The following GRIN3A variants were observed in gnomAD, a reference collection of about 807,000 sequenced individuals.
GRIN3A encodes the protein glutamate ionotropic receptor NMDA type subunit 3A, also known as glutamate receptor ionotropic, NMDA 3A.
A neutral mutation model predicts 92.4 loss-of-function variants in GRIN3A; 47 were observed. The observed-to-expected ratio is 0.51, with a 90% CI of 0.40 to 0.65. The LOEUF is 0.65. GRIN3A is among the 30% of genes least tolerant of loss of function. The probability of loss-of-function intolerance (pLI) is 0.00; values close to 1 mark genes in which losing one functional copy is unlikely to be tolerated. For synonymous variants in GRIN3A, 527 were observed against 540.6 expected (o/e 0.97, Z 0.35); for missense variants, 1,324 against 1,393.1 (o/e 0.95, Z 0.79).
intron 4 of GRIN3A, 66 bp from the exon 5 acceptor site, chr9:101,623,499 A>G (rs920796782): frequency 1.7e-6 from 2 of 1,163,992 alleles, no homozygotes; most frequent in South Asian, 1.2e-5. Flanking sequence ...ATGAAGGCTG[A>G]CAGCCGGCTT....
At chr9:101,704,820 A>G (rs1268727444) in intron 1 of GRIN3A, among the ~76,000 whole-genome samples, 1 of 152,168 alleles carries the variant, frequency 6.6e-6, no homozygotes, top group Non-Finnish European at 1.5e-5. Context: ...TTTTAATTTA[A>G]TTTAAGATGT....
intron 3 of GRIN3A, among the ~76,000 whole-genome samples, chr9:101,650,690 A>G (rs553044174): frequency 2.0e-5 from 3 of 152,170 alleles, no homozygotes; most frequent in Admixed American, 6.5e-5. Flanking sequence ...TACAGTGGTA[A>G]CAACTATACG....
At chr9:101,619,642 G>A (rs1025585061) in intron 5 of GRIN3A, among the ~76,000 whole-genome samples, 1 of 152,084 alleles carries the variant, frequency 6.6e-6, no homozygotes, top group Non-Finnish European at 1.5e-5. Context: ...CCTAACCCAA[G>A]TACTCAGACT....
At chr9:101,723,474 C>A (rs1181138140) in intron 1 of GRIN3A, among the ~76,000 whole-genome samples, 1 of 152,140 alleles carries the variant, frequency 6.6e-6, no homozygotes, top group Admixed American at 6.5e-5. Context: ...TGAGCAGTAG[C>A]AAGATTTATT....
intron 3 of GRIN3A, among the ~76,000 whole-genome samples, chr9:101,668,296 C>G (rs1186848992): frequency 6.6e-6 from 1 of 151,924 alleles, no homozygotes. Context: ...AAATAAAGCT[C>G]TAGTTAGTAT....
At chr9:101,609,345 T>C (rs965707703) in intron 6 of GRIN3A, among the ~76,000 whole-genome samples, 16 of 152,234 alleles carry the variant, frequency 1.1e-4, no homozygotes, top group African/African-American at 3.4e-4. Flanking sequence ...TTAGTACTTC[T>C]ATTATTTACT....
chr9:101,628,290 C>T lies in GRIN3A; in HGVS notation c.2464G>A (p.Val822Ile). 6.2e-7 allele frequency: 1 copy of T among 1,613,996 alleles called. No individual in the cohort carries two copies. Among genetic ancestry groups the T allele is most frequent in the African/African-American group, 1.3e-5 (1 of 75,040 alleles). The change falls in exon 4 of 9, where the codon GTT becomes ATT. Residue 822 changes from valine (V) to isoleucine (I), a missense_variant. By Grantham distance (29) the Val-to-Ile change is conservative (BLOSUM62 3). Coordinates refer to ENST00000361820, the MANE Select transcript of GRIN3A (RefSeq NM_133445.3). ...TCCACTCCATCAGGGGTGGCTGGAA[C>T]ATTGTACCTTCTCATATATTCATGC... ...EMHEYMRRYNVPATPDGVEYL... is the reference protein window; with the variant it reads ...EMHEYMRRYNIPATPDGVEYL...
At chr9:101,656,509 G>A (rs1829090214) in intron 3 of GRIN3A, among the ~76,000 whole-genome samples, 1 of 151,892 alleles carries the variant, frequency 6.6e-6, no homozygotes, top group African/African-American at 2.4e-5. Context: ...AGCAGCAGTA[G>A]TGATCTGATG....
intron 1 of GRIN3A, among the ~76,000 whole-genome samples, chr9:101,719,847 A>G (rs111865341): frequency 4.6e-5 from 7 of 152,324 alleles, no homozygotes; most frequent in African/African-American, 1.7e-4. Flanking sequence ...TATGAATATA[A>G]ACTAGCAATC....
intron 4 of GRIN3A, among the ~76,000 whole-genome samples, chr9:101,628,050 T>C (rs1375654012): frequency 1.3e-5 from 2 of 152,204 alleles, no homozygotes; most frequent in Admixed American, 1.3e-4. Context: ...CTTGAGACTA[T>C]GCAGGTCACA....
intron 2 of GRIN3A, 53 bp downstream of exon 2, chr9:101,686,543 A>G: frequency 6.3e-7 from 1 of 1,596,558 alleles, no homozygotes; most frequent in Non-Finnish European, 8.6e-7. Flanking sequence ...GGGGAATTTT[A>G]CTCTCTGTCA....
chr9:101,628,202 A>C, intron 4 of GRIN3A, 54 bp downstream of exon 4: 1 of 1,586,476 alleles, frequency 6.3e-7, no homozygotes, highest in African/African-American at 1.3e-5. Context: ...TCAGTAGCTA[A>C]ATTACTTCTC....
chr9:101,605,089 A>G (rs1370629924), intron 6 of GRIN3A, among the ~76,000 whole-genome samples: 1 of 152,258 alleles, frequency 6.6e-6, no homozygotes, highest in Non-Finnish European at 1.5e-5. Flanking sequence ...CCCGGGACCC[A>G]TATCTTCAAT....
At chr9:101,578,814 T>A (rs1488235291) in intron 7 of GRIN3A, among the ~76,000 whole-genome samples, 1 of 152,024 alleles carries the variant, frequency 6.6e-6, no homozygotes, top group Non-Finnish European at 1.5e-5. Flanking sequence ...GCAAGTGGGG[T>A]CACTTAAAGG....
At chr9:101,578,036 G>T (rs1274092041) in intron 7 of GRIN3A, among the ~76,000 whole-genome samples, 192 bp from the exon 8 acceptor site, 6 of 152,112 alleles carry the variant, frequency 3.9e-5, no homozygotes, top group Admixed American at 6.5e-5. Flanking sequence ...CTAATTAGAG[G>T]TTATTATTCC....
chr9:101,610,574 CATCT>C (rs145593614), intron 6 of GRIN3A, among the ~76,000 whole-genome samples: 25,126 of 139,304 alleles, frequency 0.18, 2,145 homozygotes, highest in Middle Eastern at 0.28. Context: ...AGCTTGCATC[CATCT>C]ATCTATCTAT....
intron 3 of GRIN3A, among the ~76,000 whole-genome samples, chr9:101,644,474 A>AAAAC (rs1828910086): frequency 6.6e-6 from 1 of 151,738 alleles, no homozygotes; most frequent in African/African-American, 2.4e-5. Flanking sequence ...AAAAAAAAAA[A>AAAAC]AAAACACAGT....
At chr9:101,618,918 A>G (rs1298212382) in intron 5 of GRIN3A, among the ~76,000 whole-genome samples, 1 of 152,144 alleles carries the variant, frequency 6.6e-6, no homozygotes, top group African/African-American at 2.4e-5. Context: ...AGGGTTGACT[A>G]TTTTGTGGTT....
intron 1 of GRIN3A, among the ~76,000 whole-genome samples, chr9:101,711,388 A>C (rs2119015235): frequency 6.6e-6 from 1 of 152,282 alleles, no homozygotes; most frequent in South Asian, 2.1e-4. Flanking sequence ...TGATACTCAG[A>C]ATAGCGTCCA....
Sources: allele counts gnomAD v4.1 joint callset (sites outside exome capture counted in the v4.1 genomes callset), GRCh38; gene constraint gnomAD v4.1.1; transcripts MANE v1.5; gene names NCBI Gene and HGNC (gene_info 2026-07-23, HGNC 2026-07-21).